The following ENPP1 variants were observed in gnomAD, a reference collection of about 807,000 sequenced individuals.
ENPP1 encodes the protein ectonucleotide pyrophosphatase/phosphodiesterase family member 1.
A neutral mutation model predicts 122.8 loss-of-function variants in ENPP1; 73 were observed. That is an observed-to-expected ratio of 0.59 (90% CI 0.49 to 0.72). The LOEUF (loss-of-function observed/expected upper bound fraction) is 0.72, where lower values mean the gene tolerates loss of function less well. Among genes scored for constraint, ENPP1 ranks in the 30% least tolerant of loss-of-function variants. ENPP1 has a pLI of 0.00. For synonymous variants in ENPP1, 367 were observed against 391.6 expected, an observed-to-expected ratio of 0.94 and a Z score of 0.74; for missense variants, 978 against 1,128.1, an observed-to-expected ratio of 0.87 and a Z score of 1.91.
At chr6:131,831,540 G>A (rs1475972815) in intron 1 of ENPP1, among the ~76,000 whole-genome samples, 2 of 152,102 alleles carry the variant, frequency 1.3e-5, no homozygotes, top group African/African-American at 4.8e-5. Flanking sequence ...TTGGCGAAGC[G>A]TCTCAGACTT....
chr6:131,842,891 AT>A lies in ENPP1; in HGVS notation c.241-4875del, dbSNP rs528920582. Among the ~76,000 whole-genome samples the A allele has an allele frequency of 4.6e-3, 699 of 150,476 alleles. 7 individuals carry two copies. The highest frequency in any genetic ancestry group is 0.015 in the African/African-American group (610 of 41,098). On this transcript the variant is annotated intron_variant, in intron 1 of 24. Transcript: ENST00000647893. ...TTGAGGGAATTGGTGAGGGAAAAAA[AT>A]TTTTTTTTTAGTATTTCTTTTGACT...
chr6:131,825,336 T>A (rs1272774284), intron 1 of ENPP1, among the ~76,000 whole-genome samples: 1 of 152,208 alleles, frequency 6.6e-6, no homozygotes, highest in Non-Finnish European at 1.5e-5. Flanking sequence ...TCGTAACTTT[T>A]TTTATTCCTG....
intron 1 of ENPP1, among the ~76,000 whole-genome samples, chr6:131,844,585 AT>A (rs1228896411): frequency 2.1e-5 from 3 of 140,648 alleles, no homozygotes; most frequent in African/African-American, 9.6e-5. Flanking sequence ...CTGATGAAGA[AT>A]GAAAGTAAAG....
chr6:131,841,775 C>A (rs1370480202), intron 1 of ENPP1, among the ~76,000 whole-genome samples: 3 of 152,118 alleles, frequency 2.0e-5, no homozygotes, highest in Non-Finnish European at 4.4e-5. Context: ...GTAAGAGCTG[C>A]AGTAACTAGG....
Position 131,877,123 on chromosome 6 carries a change from A to G in ENPP1, c.1855A>G (p.Asn619Asp), listed in dbSNP as rs745545857. 4.8e-5 allele frequency: 78 copies of G among 1,613,904 alleles called. No homozygotes were observed. Among genetic ancestry groups the G allele is most frequent in the Non-Finnish European group, 6.5e-5 (77 of 1,179,990 alleles). Reference sequence around the variant, plus strand: ...CCTGGTACAGTGCCCCTTCACAAGAAACCCCAGAGATAACCTTGGCTGCTC... The same window carrying G: ...CCTGGTACAGTGCCCCTTCACAAGAGACCCCAGAGATAACCTTGGCTGCTC... Reference protein sequence around the residue: ...HPLVQCPFTRNPRDNLGCSCN... With the variant: ...HPLVQCPFTRDPRDNLGCSCN... The change falls in exon 18 of 25, where the codon AAC becomes GAC. Residue 619 changes from asparagine to aspartate, a missense_variant. Asn to Asp is a conservative substitution (Grantham distance 23, BLOSUM62 1). This residue lies in a region of ENPP1 where 644 missense variants were observed against 781.5 expected (regional missense o/e 0.82). Transcript: ENST00000647893.
intron 1 of ENPP1, among the ~76,000 whole-genome samples, chr6:131,822,038 G>C (rs766579216): frequency 3.3e-5 from 5 of 152,140 alleles, no homozygotes; most frequent in Non-Finnish European, 4.4e-5. Flanking sequence ...GAACAGTGTG[G>C]TTTAGGAGCA....
intron 22 of ENPP1, 69 bp downstream of exon 22, chr6:131,883,843 T>C (rs1386969095): frequency 1.2e-6 from 1 of 803,974 alleles, no homozygotes; most frequent in East Asian, 2.5e-5. Flanking sequence ...AATTCATATG[T>C]AATAGGACTT....
intron 1 of ENPP1, among the ~76,000 whole-genome samples, chr6:131,811,356 A>ATATATC (rs757005610): frequency 8.6e-4 from 127 of 147,528 alleles, no homozygotes; most frequent in Middle Eastern, 3.6e-3. Context: ...TTAAAAAAAC[A>ATATATC]TATATCTATA....
chr6:131,854,439 A>G (rs1781919970), intron 5 of ENPP1, among the ~76,000 whole-genome samples: 1 of 152,040 alleles, frequency 6.6e-6, no homozygotes, highest in African/African-American at 2.4e-5. Flanking sequence ...AATAAATTAA[A>G]TAATAAAATA....
At chr6:131,817,375 A>C in intron 1 of ENPP1, among the ~76,000 whole-genome samples, 1 of 152,150 alleles carries the variant, frequency 6.6e-6, no homozygotes, top group East Asian at 1.9e-4. Flanking sequence ...ATATTGAGAT[A>C]TATATGTGTC....
At chr6:131,820,958 G>A (rs1781478071) in intron 1 of ENPP1, among the ~76,000 whole-genome samples, 1 of 152,208 alleles carries the variant, frequency 6.6e-6, no homozygotes, top group South Asian at 2.1e-4. Context: ...ATTATATAAT[G>A]TGTACAAAAT....
intron 4 of ENPP1, among the ~76,000 whole-genome samples, chr6:131,851,853 A>G (rs964036426): frequency 6.6e-6 from 1 of 152,140 alleles, no homozygotes; most frequent in Non-Finnish European, 1.5e-5. Flanking sequence ...TGATGAGTGG[A>G]TAGAAGGGGA....
intron 5 of ENPP1, among the ~76,000 whole-genome samples, chr6:131,854,244 AAAAT>A (rs1781917075): frequency 6.6e-6 from 1 of 151,848 alleles, no homozygotes. Context: ...ATGTCTACAA[AAAAT>A]AAATAAATAA....
rs367970616 is a variant in ENPP1, at chr6:131,850,081, T to C, written c.405T>C (p.Asp135=). ...ACVELGNCCL[D]YQETCIEPEH... is the part of the protein sequence containing the mutation. ...TTGAGCTTGGAAACTGCTGTTTAGA[T>C]TACCAGGAGACGTGCATAGAACCAG... is the stretch of plus-strand genomic sequence containing the variant. The change falls in exon 3 of 25, where the codon GAT becomes GAC. Residue 135 remains aspartate, a synonymous_variant. Transcript: ENST00000647893. 2.3e-5 allele frequency: 37 copies of C among 1,612,440 alleles called. No individual in the cohort carries two copies. The highest frequency in any genetic ancestry group is 3.1e-5 in the Non-Finnish European group (37 of 1,178,604).
At chr6:131,855,104 A>G (rs760402307) in intron 6 of ENPP1, 81 bp downstream of exon 6, 77 of 1,020,800 alleles carry the variant, frequency 7.5e-5, no homozygotes, top group Non-Finnish European at 1.1e-4. Flanking sequence ...TTGGAAAAGT[A>G]CTGGCAGAAC....
intron 1 of ENPP1, among the ~76,000 whole-genome samples, chr6:131,811,427 T>TATCTATATCTATATCTA (rs1351657934): frequency 6.6e-6 from 1 of 150,392 alleles, no homozygotes; most frequent in African/African-American, 2.5e-5. Context: ...TCTATATCTA[T>TATCTATATCTATATCTA]ATCTATATAT....
rs553415366 is a variant in ENPP1 at position 131,893,556 on chromosome 6, A to G, written c.*3045A>G. 1 of 152,340 alleles carries G rather than the reference A, an allele frequency of 6.6e-6. No homozygotes were observed. Among genetic ancestry groups the G allele is most frequent in the East Asian group, 1.9e-4 (1 of 5,184 alleles). 9.4% of individuals were successfully genotyped at this position (152,340 alleles called of 1,614,324 possible). A position where few individuals can be genotyped will look rare whatever the true frequency, so the allele number is the denominator to read the frequency against. On this transcript the variant is annotated 3_prime_UTR_variant, in exon 25 of 25. Coordinates refer to ENST00000647893, the MANE Select transcript of ENPP1 (RefSeq NM_006208.3). ...TTTACAGCTACTTATATTTTCTACAAGTGTCACTGTGACCAACTTATGTAC... is the reference window on the plus strand; with the variant it reads ...TTTACAGCTACTTATATTTTCTACAGGTGTCACTGTGACCAACTTATGTAC...
At chr6:131,875,672 T>C (rs1585835983) in intron 16 of ENPP1, 104 bp from the exon 17 acceptor site, 2 of 851,896 alleles carry the variant, frequency 2.3e-6, no homozygotes, top group Admixed American at 1.8e-5. Flanking sequence ...CCTCTTATCT[T>C]ATCATAACCA....
chr6:131,847,872 T>C, intron 2 of ENPP1, 24 bp downstream of exon 2: 4 of 1,434,704 alleles, frequency 2.8e-6, no homozygotes, highest in Non-Finnish European at 3.9e-6. Flanking sequence ...TGTGTGTGTG[T>C]GTGTGTGTGT....
Sources: allele counts gnomAD v4.1 joint callset (sites outside exome capture counted in the v4.1 genomes callset), GRCh38; gene constraint gnomAD v4.1.1; regional missense constraint gnomAD v4.1.1; transcripts MANE v1.5; gene names NCBI Gene and HGNC (gene_info 2026-07-23, HGNC 2026-07-21).